Variants in PPEF2 observed in about 807,000 individuals in gnomAD.
PPEF2 encodes serine/threonine-protein phosphatase with EF-hands 2.
PPEF2 carries 84 observed loss-of-function variants against 84.7 expected under a neutral mutation model. The ratio of observed to expected loss-of-function variants is 0.99; its 90% confidence interval spans 0.83 to 1.19. PPEF2 has a LOEUF of 1.19. PPEF2 is among the 50% of genes most tolerant of loss of function. The pLI is 0.00. For missense variants in PPEF2, 924 were observed against 937.5 expected (o/e 0.99, Z 0.19); for synonymous variants, 346 against 345.2 (o/e 1.00, Z -0.03).
At chr4:75,890,748 A>G (rs1724857770) in intron 4 of PPEF2, among the ~76,000 whole-genome samples, 1 of 152,216 alleles carries the variant, frequency 6.6e-6, no homozygotes, top group Non-Finnish European at 1.5e-5. Flanking sequence ...AATCACAGGT[A>G]TTTATGTTGC....
intron 5 of PPEF2, 127 bp downstream of exon 5, chr4:75,889,830 G>T: frequency 9.5e-7 from 1 of 1,055,808 alleles, no homozygotes; most frequent in Non-Finnish European, 1.4e-6. Flanking sequence ...AGCAGGGGTA[G>T]AATCTCTCTA....
intron 11 of PPEF2, among the ~76,000 whole-genome samples, chr4:75,874,498 T>TTAACCAGA: frequency 6.6e-6 from 1 of 152,218 alleles, no homozygotes; most frequent in African/African-American, 2.4e-5. Context: ...GATTTCACCA[T>TTAACCAGA]GTTAACCAGA....
intron 6 of PPEF2, 94 bp downstream of exon 6, chr4:75,888,120 C>G: frequency 1.0e-6 from 1 of 965,610 alleles, no homozygotes; most frequent in Non-Finnish European, 1.7e-6. Flanking sequence ...ATCATCACAT[C>G]TCCCTGCAGC....
intron 16 of PPEF2, among the ~76,000 whole-genome samples, chr4:75,864,156 G>A (rs1022672640): frequency 7.9e-5 from 12 of 152,078 alleles, no homozygotes; most frequent in Non-Finnish European, 1.2e-4. Flanking sequence ...TAAGGCAGGA[G>A]CCACCATGTC....
At chr4:75,886,768 T>C (rs903320154) in intron 7 of PPEF2, 84 bp downstream of exon 7, 4 of 733,672 alleles carry the variant, frequency 5.5e-6, no homozygotes, top group Non-Finnish European at 8.8e-6. Flanking sequence ...AAGTAATATT[T>C]AAGCATTTGT....
In PPEF2 at chr4:75,889,968, T is replaced by G. The variant is rs2149226723; in HGVS notation, c.406A>C (p.Arg136=). ...CCAGGTGAGCTTACTTGTTTCAGTC[T>G]GAATGCTTCTACCAGGGCAGTTGCA... ...DHATALVEAF[R]LKQQLHARYV... Residue 136 remains arginine, a synonymous_variant, in exon 5 of 17, where the codon AGA becomes CGA. Coordinates refer to ENST00000286719, the MANE Select transcript of PPEF2 (RefSeq NM_006239.3). 1 of 1,614,142 alleles carries G rather than the reference T, an allele frequency of 6.2e-7. No individual in the cohort carries two copies. Among genetic ancestry groups the G allele is most frequent in the East Asian group, 2.2e-5 (1 of 44,882 alleles).
chr4:75,896,231 G>A (rs1427117135), intron 2 of PPEF2, 40 bp downstream of exon 2: 1 of 1,597,620 alleles, frequency 6.3e-7, no homozygotes, highest in Admixed American at 1.7e-5. Context: ...TATGGGCTTT[G>A]TGGTACCCAC....
At chr4:75,895,957 G>A (rs528846215) in intron 2 of PPEF2, among the ~76,000 whole-genome samples, 24 of 152,152 alleles carry the variant, frequency 1.6e-4, no homozygotes, top group African/African-American at 5.8e-4. Context: ...ACCTTTGGAC[G>A]TGCTCTACCC....
intron 8 of PPEF2, among the ~76,000 whole-genome samples, chr4:75,884,092 C>A (rs1394317654): frequency 6.6e-6 from 1 of 151,972 alleles, no homozygotes. Flanking sequence ...AAGATTGTGC[C>A]ATTGCACAGC....
intron 8 of PPEF2, among the ~76,000 whole-genome samples, 155 bp downstream of exon 8, chr4:75,884,439 T>A (rs6827905): frequency 0.027 from 2,277 of 85,598 alleles, 54 homozygotes; most frequent in African/African-American, 0.087. Context: ...AAAAAAAAAA[T>A]TTTTTTTTGA....
intron 13 of PPEF2, among the ~76,000 whole-genome samples, chr4:75,868,815 C>T (rs1724197086): frequency 6.6e-6 from 1 of 152,054 alleles, no homozygotes; most frequent in Admixed American, 6.6e-5. Flanking sequence ...CCACCCTGGG[C>T]AACACAGCTA....
Position 75,867,364 on chromosome 4 carries a change from G to C in PPEF2, c.1705C>G (p.His569Asp), listed in dbSNP as rs144838414. 1 of 1,614,030 alleles carries C rather than the reference G, an allele frequency of 6.2e-7. No individual in the cohort carries two copies. Among genetic ancestry groups the C allele is most frequent in the Admixed American group, 1.7e-5 (1 of 60,012 alleles). Residue 569 changes from histidine (H) to aspartate (D), a missense_variant, in exon 14 of 17, where the codon CAT (histidine) becomes GAT (aspartate). Physicochemically the swap from His to Asp is moderately conservative, Grantham distance 81. Transcript: ENST00000286719. The part of the protein sequence containing the change: ...LRALREKLFA[H>D]SSDLLSEFKK... ...AATTCACTGAGAAGATCTGAAGAAT[G>C]AGCAAACAGCTTCTCCCTCAGAGCT...
intron 16 of PPEF2, among the ~76,000 whole-genome samples, chr4:75,862,501 A>T (rs918696678): frequency 6.6e-6 from 1 of 152,106 alleles, no homozygotes; most frequent in African/African-American, 2.4e-5. Context: ...ATTTGAATAG[A>T]CATTTCTCCA....
chr4:75,901,786 G>C (rs1725129893), intron 1 of PPEF2, among the ~76,000 whole-genome samples: 1 of 152,116 alleles, frequency 6.6e-6, no homozygotes, highest in Non-Finnish European at 1.5e-5. Context: ...CATCATCAAT[G>C]CCTCACATTA....
rs199592989 is a variant in PPEF2 at position 75,890,119 on chromosome 4, G to A, written c.255C>T (p.Thr85=). The change falls in exon 5 of 17, where the codon ACC becomes ACT. Residue 85 remains threonine, a synonymous_variant. Transcript: ENST00000286719. The stretch of plus-strand genomic sequence containing the variant: ...CGAATCTGTCCTCAGTGAATATGCG[G>A]GTCAGGAAGTCCCCTAGTCCAGATA... ...PSSHNDRDFL[T]RIFTEDRFAQ... 1 of 1,613,936 alleles carries A rather than the reference G, an allele frequency of 6.2e-7. No homozygotes were observed. The highest frequency in any genetic ancestry group is 8.5e-7 in the Non-Finnish European group (1 of 1,179,996).
rs751561917 is a variant in PPEF2 at position 75,891,710 on chromosome 4, A to G, written c.184-5T>C. 1 of 1,610,488 alleles carries G rather than the reference A, an allele frequency of 6.2e-7. No homozygotes were observed. Among genetic ancestry groups the G allele is most frequent in the South Asian group, 1.1e-5 (1 of 90,368 alleles). On this transcript the variant is annotated splice_polypyrimidine_tract_variant and splice_region_variant and intron_variant, in intron 3 of 16. Transcript: ENST00000286719. ...ATAGCTGAAGAAGTCATGGAGCTGC[A>G]GAAGAACCCAAGGAGACGTGGCTTT...
chr4:75,862,313 A>AAC (rs1553906645), intron 16 of PPEF2, among the ~76,000 whole-genome samples: 1 of 71,500 alleles, frequency 1.4e-5, no homozygotes, highest in African/African-American at 5.1e-5. Context: ...AAAAAAAAAA[A>AAC]AAAAAAAAAC....
chr4:75,896,442 G>T, intron 1 of PPEF2, 59 bp from the exon 2 acceptor site: 1 of 1,082,372 alleles, frequency 9.2e-7, no homozygotes, highest in East Asian at 2.4e-5. Flanking sequence ...TAAATCGGGT[G>T]GGCCAAATTG....
At chr4:75,878,584 C>G (rs1724487778) in intron 10 of PPEF2, among the ~76,000 whole-genome samples, 1 of 152,178 alleles carries the variant, frequency 6.6e-6, no homozygotes, top group South Asian at 2.1e-4. Context: ...GAAGGACAGT[C>G]CAGAGTGAAG....
Sources: gnomAD v4.1 joint callset for allele counts (sites outside exome capture counted in the v4.1 genomes callset) on GRCh38, gnomAD v4.1.1 for gene constraint, MANE v1.5 for transcripts, NCBI Gene and HGNC (gene_info 2026-07-23, HGNC 2026-07-21) for gene names.